SCFD2: variants seen among roughly 807,000 people sequenced by gnomAD.
SCFD2 encodes sec1 family domain-containing protein 2.
A neutral mutation model predicts 58.9 loss-of-function variants in SCFD2; 54 were observed. That is an observed-to-expected ratio of 0.92 (90% CI 0.74 to 1.15). The LOEUF (loss-of-function observed/expected upper bound fraction) is 1.15. Ranked by LOEUF, SCFD2 falls within the 50% of genes most tolerant of loss-of-function variation. The probability of loss-of-function intolerance (pLI) is 0.00; values close to 1 mark genes in which losing one functional copy is unlikely to be tolerated. For missense variants in SCFD2, 805 were observed against 836.6 expected (o/e 0.96, Z 0.47); for synonymous variants, 321 against 335.9 (o/e 0.96, Z 0.49).
chr4:52,924,312 G>A (rs140461124), intron 5 of SCFD2, among the ~76,000 whole-genome samples: 21 of 152,278 alleles, frequency 1.4e-4, no homozygotes, highest in African/African-American at 4.1e-4. Flanking sequence ...ATCATAGGCT[G>A]TGTAATTGCA....
At chr4:53,358,489 G>A (rs1009977282) in intron 1 of SCFD2, among the ~76,000 whole-genome samples, 1 of 151,646 alleles carries the variant, frequency 6.6e-6, no homozygotes, top group African/African-American at 2.4e-5. Context: ...GAAGGTGAAG[G>A]TTGCAGTGAG....
chr4:52,956,710 G>A (rs576929633), intron 5 of SCFD2: 1 of 160,636 alleles, frequency 6.2e-6, no homozygotes, highest in Non-Finnish European at 1.4e-5. Flanking sequence ...GCAAAAAGGT[G>A]AAGCACTATA....
At chr4:52,923,229 C>A (rs1719781789) in intron 5 of SCFD2, among the ~76,000 whole-genome samples, 1 of 152,132 alleles carries the variant, frequency 6.6e-6, no homozygotes, top group Non-Finnish European at 1.5e-5. Context: ...GTAATCCCAG[C>A]ACTTTGGAAG....
intron 3 of SCFD2, among the ~76,000 whole-genome samples, chr4:53,288,015 G>C (rs1731722698): frequency 6.6e-6 from 1 of 152,020 alleles, no homozygotes; most frequent in Non-Finnish European, 1.5e-5. Context: ...CAAGGCAGGA[G>C]GGCTGCTTGA....
At chr4:53,334,270 T>C (rs1158725404) in intron 2 of SCFD2, among the ~76,000 whole-genome samples, 1 of 152,134 alleles carries the variant, frequency 6.6e-6, no homozygotes, top group East Asian at 1.9e-4. Context: ...CAAAGGACTA[T>C]AAATCTTGCT....
intron 5 of SCFD2, among the ~76,000 whole-genome samples, chr4:52,954,483 T>C (rs375574344): frequency 6.6e-6 from 1 of 152,168 alleles, no homozygotes; most frequent in East Asian, 1.9e-4. Flanking sequence ...ACAGTTGTAA[T>C]CTTAACTTGA....
intron 5 of SCFD2, among the ~76,000 whole-genome samples, chr4:53,075,894 G>A (rs77081426): frequency 0.017 from 2,592 of 152,258 alleles, 79 homozygotes; most frequent in African/African-American, 0.059. Flanking sequence ...AGCATATGCC[G>A]TTGGAAAAAT....
chr4:52,973,195 C>CA (rs1248234607), intron 5 of SCFD2, among the ~76,000 whole-genome samples: 2 of 151,918 alleles, frequency 1.3e-5, no homozygotes, highest in Non-Finnish European at 2.9e-5. Context: ...AATAGAGACA[C>CA]AAAAAACCCT....
chr4:53,268,389 G>A (rs983214065), intron 4 of SCFD2, among the ~76,000 whole-genome samples: 5 of 152,170 alleles, frequency 3.3e-5, no homozygotes, highest in African/African-American at 1.2e-4. Context: ...GGGATGGGGA[G>A]ACTAGAGGAG....
chr4:53,113,306 GA>G lies in SCFD2; in HGVS notation c.1561+32026del, dbSNP rs1321344943. The stretch of plus-strand genomic sequence containing the variant: ...GACCATAACCCTTACTTTGGCCAAT[GA>G]AATATGAGCAGAAGCTACTGTGTTA... On this transcript the variant is annotated intron_variant, in intron 5 of 8. Transcript: ENST00000401642. 2.0e-5 allele frequency among the ~76,000 whole-genome samples: 3 copies of G among 152,064 alleles called. No individual in the cohort carries two copies. The East Asian group carries it at 5.8e-4, about 29-fold the overall frequency.
At chr4:53,287,497 G>A (rs1193532326) in intron 3 of SCFD2, among the ~76,000 whole-genome samples, 1 of 152,106 alleles carries the variant, frequency 6.6e-6, no homozygotes, top group African/African-American at 2.4e-5. Flanking sequence ...GATCACAGCT[G>A]AAGAAGCTAC....
At chr4:52,952,386 T>C (rs990954513) in intron 5 of SCFD2, among the ~76,000 whole-genome samples, 3 of 150,846 alleles carry the variant, frequency 2.0e-5, no homozygotes, top group Non-Finnish European at 4.4e-5. Flanking sequence ...GCAGCTGCCC[T>C]CCTCTCTGCA....
intron 2 of SCFD2, among the ~76,000 whole-genome samples, chr4:53,346,231 G>A (rs1345316208): frequency 6.6e-6 from 1 of 151,480 alleles, no homozygotes; most frequent in Non-Finnish European, 1.5e-5. Flanking sequence ...GGCTTTTCAT[G>A]GATTTATGAC....
At position 52,951,129 on chromosome 4, in the gene SCFD2, C is replaced by T. The variant is rs558122811; in HGVS notation, c.1562-30259G>A. ...ATGTGTTTAGTTTGGGACTAACATACTCTAAGAGGTGGCTTTGATTGATTG... is the reference window on the plus strand; with the variant it reads ...ATGTGTTTAGTTTGGGACTAACATATTCTAAGAGGTGGCTTTGATTGATTG... On this transcript the variant is annotated intron_variant, in intron 5 of 8. Coordinates refer to ENST00000401642, the MANE Select transcript of SCFD2 (RefSeq NM_152540.4). 3 of 152,282 alleles carry T rather than the reference C, an allele frequency of 2.0e-5. No individual in the cohort carries two copies. The East Asian group carries it at 5.8e-4, about 29-fold the overall frequency. 9.4% of individuals were successfully genotyped at this position (152,282 alleles called of 1,614,324 possible). A position where few individuals can be genotyped will look rare whatever the true frequency, so the allele number is the denominator to read the frequency against.
At chr4:53,353,480 G>A (rs562940721) in intron 1 of SCFD2, among the ~76,000 whole-genome samples, 1 of 152,318 alleles carries the variant, frequency 6.6e-6, no homozygotes, top group Admixed American at 6.5e-5. Flanking sequence ...GCTGTCTCGG[G>A]CAGCCTCCTT....
chr4:52,996,658 G>A (rs756427926), intron 5 of SCFD2, among the ~76,000 whole-genome samples: 3 of 152,164 alleles, frequency 2.0e-5, no homozygotes, highest in Non-Finnish European at 4.4e-5. Flanking sequence ...TAACTAATCT[G>A]GCCCATCTCA....
intron 1 of SCFD2, 92 bp from the exon 2 acceptor site, chr4:53,352,858 AACAT>A (rs1734272399): frequency 5.4e-6 from 6 of 1,112,492 alleles, no homozygotes; most frequent in Non-Finnish European, 7.9e-6. Flanking sequence ...TATCAAAAAT[AACAT>A]ACATTTTTAG....
intron 5 of SCFD2, among the ~76,000 whole-genome samples, chr4:53,104,101 G>A (rs1724916892): frequency 6.6e-6 from 1 of 152,064 alleles, no homozygotes; most frequent in Non-Finnish European, 1.5e-5. Flanking sequence ...TCAAGGAGGT[G>A]GAGCATAACT....
intron 4 of SCFD2, among the ~76,000 whole-genome samples, chr4:53,246,979 G>A (rs1157191732): frequency 2.2e-5 from 3 of 134,330 alleles, no homozygotes; most frequent in Non-Finnish European, 4.8e-5. Flanking sequence ...ACATCTGTAA[G>A]GAACTTAAAA....
Sources: gnomAD v4.1 joint callset for allele counts (sites outside exome capture counted in the v4.1 genomes callset) on GRCh38, gnomAD v4.1.1 for gene constraint, MANE v1.5 for transcripts, NCBI Gene and HGNC (gene_info 2026-07-23, HGNC 2026-07-21) for gene names.